Variants in DOCK3 observed in about 807,000 individuals in gnomAD.
The protein encoded by DOCK3 is dedicator of cytokinesis protein 3.
DOCK3 carries 60 observed loss-of-function variants against 265.6 expected under a neutral mutation model. The ratio of observed to expected loss-of-function variants is 0.23; its 90% CI spans 0.18 to 0.28. The LOEUF is 0.28. Ranked by LOEUF, DOCK3 falls within the 10% of genes least tolerant of loss-of-function variation. The pLI is 1.00. For synonymous variants in DOCK3, 881 were observed against 938.0 expected, an observed-to-expected ratio of 0.94 and a Z score of 1.11; for missense variants, 1,981 against 2,594.3, an observed-to-expected ratio of 0.76 and a Z score of 5.14.
rs1271613871 is a variant in DOCK3, at chr3:51,214,157, A to G, written c.1162A>G (p.Met388Val). The G allele has an allele frequency of 3.1e-6, 5 of 1,613,866 alleles. No homozygotes were observed. The highest frequency in any genetic ancestry group is 3.3e-5 in the Admixed American group (2 of 59,976). Reference sequence around the variant, plus strand: ...TTCTCTGCAGCTTCTTCGTGGAGACATGGAACAGATTCGGAGAGAAAATCC... The same window carrying G: ...TTCTCTGCAGCTTCTTCGTGGAGACGTGGAACAGATTCGGAGAGAAAATCC... ...IISLQLLRGD[M>V]EQIRRENPMI... The change falls in exon 14 of 53, where the codon ATG becomes GTG. Residue 388 changes from methionine to valine, a missense_variant. Coordinates refer to ENST00000266037, the MANE Select transcript of DOCK3 (RefSeq NM_004947.5).
At position 51,260,210 on chromosome 3, in the gene DOCK3, G is replaced by A; in HGVS notation, c.2239G>A (p.Ala747Thr). 6.2e-7 allele frequency: 1 copy of A among 1,613,860 alleles called. No individual in the cohort carries two copies. Among genetic ancestry groups the A allele is most frequent in the Admixed American group, 1.7e-5 (1 of 59,994 alleles). ...IVQSRILYSR[A>T]TCGMEEEQFR... ...ACAGTCACGGATCCTGTACTCACGA[G>A]CCACTTGTGGAATGGAAGAGGAACA... The change falls in exon 23 of 53, where the codon GCC (alanine) becomes ACC (threonine). Residue 747 changes from alanine (A) to threonine (T), a missense_variant. Physicochemically the swap from Ala to Thr is moderately conservative, Grantham distance 58 (BLOSUM62 0). Transcript: ENST00000266037.
In DOCK3 at chr3:51,333,191, C is replaced by G. The variant is rs373794438; in HGVS notation, c.3549C>G (p.Arg1183=). 6 of 1,613,888 alleles carry G rather than the reference C, an allele frequency of 3.7e-6. No homozygotes were observed. Among genetic ancestry groups the G allele is most frequent in the Non-Finnish European group, 5.1e-6 (6 of 1,179,900 alleles). ...AGAAGGTTGAACAAGAAACATGGCG[C>G]GAGACCGGCATTTCCTTTGTGACCT... ...LLEKVEQETW[R]ETGISFVTSV... The change falls in exon 35 of 53, where the codon CGC becomes CGG. Residue 1183 remains arginine (R), a synonymous_variant. Transcript: ENST00000266037.
At chr3:51,252,365 G>A (rs1204469194) in intron 22 of DOCK3, among the ~76,000 whole-genome samples, 1 of 152,166 alleles carries the variant, frequency 6.6e-6, no homozygotes, top group Non-Finnish European at 1.5e-5. Flanking sequence ...GGTTCCATAT[G>A]AACTTTAAAG....
chr3:51,287,920 G>GTGCTA (rs1409922599), intron 27 of DOCK3, among the ~76,000 whole-genome samples: 1 of 152,220 alleles, frequency 6.6e-6, no homozygotes, highest in Non-Finnish European at 1.5e-5. Flanking sequence ...TAAAGAAAGT[G>GTGCTA]TGCTACATAT....
chr3:51,000,733 A>G (rs1173284164), intron 5 of DOCK3, among the ~76,000 whole-genome samples: 1 of 151,826 alleles, frequency 6.6e-6, no homozygotes, highest in African/African-American at 2.4e-5. Flanking sequence ...GCTCACTGCA[A>G]CCTCCGCCTC....
intron 32 of DOCK3, among the ~76,000 whole-genome samples, chr3:51,324,684 A>AACCAAAACAGCATGGTACTGGT (rs2083975579): frequency 6.6e-6 from 1 of 152,210 alleles, no homozygotes; most frequent in Non-Finnish European, 1.5e-5. Flanking sequence ...AGGCTACGGT[A>AACCAAAACAGCATGGTACTGGT]ACCAAAACAG....
At chr3:51,150,509 T>G (rs952499475) in intron 10 of DOCK3, among the ~76,000 whole-genome samples, 4 of 152,362 alleles carry the variant, frequency 2.6e-5, no homozygotes, top group African/African-American at 9.6e-5. Flanking sequence ...CTGCTTTGAA[T>G]GTGTCCCAGA....
chr3:50,890,005 G>A, intron 3 of DOCK3, 21 bp from the exon 4 acceptor site: 7 of 1,395,560 alleles, frequency 5.0e-6, no homozygotes, highest in Non-Finnish European at 6.5e-6. Flanking sequence ...TTTCTAACAG[G>A]AAATATTTTC....
At chr3:50,785,942 T>C (rs2042163059) in intron 2 of DOCK3, among the ~76,000 whole-genome samples, 1 of 152,072 alleles carries the variant, frequency 6.6e-6, no homozygotes, top group Admixed American at 6.5e-5. Context: ...TCCTGGACTT[T>C]TTTTGTTGGC....
chr3:51,062,697 T>A (rs1345162189), intron 5 of DOCK3, among the ~76,000 whole-genome samples: 1 of 152,236 alleles, frequency 6.6e-6, no homozygotes, highest in Non-Finnish European at 1.5e-5. Flanking sequence ...ATTTGTTAAT[T>A]GGATGAATGA....
intron 2 of DOCK3, among the ~76,000 whole-genome samples, chr3:50,781,823 T>C (rs1328358766): frequency 6.6e-6 from 1 of 152,270 alleles, no homozygotes; most frequent in Non-Finnish European, 1.5e-5. Flanking sequence ...TGTTGCCCTC[T>C]GTGTGTCCAT....
At chr3:50,920,297 T>C (rs1447289588) in intron 4 of DOCK3, among the ~76,000 whole-genome samples, 1 of 152,192 alleles carries the variant, frequency 6.6e-6, no homozygotes, top group African/African-American at 2.4e-5. Flanking sequence ...CTTTTTCTGT[T>C]GAGTGGAATA....
chr3:50,775,530 C>G (rs1287867638), intron 1 of DOCK3, among the ~76,000 whole-genome samples: 2 of 151,852 alleles, frequency 1.3e-5, no homozygotes, highest in Admixed American at 1.3e-4. Context: ...TTCAAAGAAC[C>G]AATTTTTAGA....
intron 2 of DOCK3, among the ~76,000 whole-genome samples, chr3:50,803,892 C>A (rs1017175040): frequency 6.6e-6 from 1 of 151,898 alleles, no homozygotes; most frequent in Admixed American, 6.5e-5. Context: ...GGCTGTCCCC[C>A]ACCTCCTGGA....
At chr3:51,076,438 A>G (rs1010717351) in intron 7 of DOCK3, among the ~76,000 whole-genome samples, 1 of 152,218 alleles carries the variant, frequency 6.6e-6, no homozygotes, top group African/African-American at 2.4e-5. Flanking sequence ...CATCTATTTA[A>G]AAAATAAAAA....
chr3:51,008,947 C>G (rs1449354764), intron 5 of DOCK3, among the ~76,000 whole-genome samples: 1 of 152,024 alleles, frequency 6.6e-6, no homozygotes, highest in African/African-American at 2.4e-5. Flanking sequence ...TTGAACCAGC[C>G]TTGCATCCCA....
intron 1 of DOCK3, among the ~76,000 whole-genome samples, chr3:50,688,838 C>G (rs367557297): frequency 1.3e-5 from 2 of 152,144 alleles, no homozygotes; most frequent in Admixed American, 1.3e-4. Flanking sequence ...GCTGTCTCAT[C>G]ATTGAGTCTT....
intron 27 of DOCK3, among the ~76,000 whole-genome samples, chr3:51,297,173 C>T (rs929000149): frequency 6.7e-6 from 1 of 148,466 alleles, no homozygotes; most frequent in Non-Finnish European, 1.5e-5. Flanking sequence ...CGCATCTCTA[C>T]CTTATAGTAT....
intron 5 of DOCK3, among the ~76,000 whole-genome samples, chr3:51,062,865 T>A (rs1213255811): frequency 6.6e-6 from 1 of 152,260 alleles, no homozygotes; most frequent in East Asian, 1.9e-4. Flanking sequence ...CCTTTATGGC[T>A]TAATCGTCAA....
Sources: allele counts gnomAD v4.1 joint callset (sites outside exome capture counted in the v4.1 genomes callset), GRCh38; gene constraint gnomAD v4.1.1; transcripts MANE v1.5; gene names NCBI Gene and HGNC (gene_info 2026-07-23, HGNC 2026-07-21).